The following ZNF257 variants were observed in gnomAD, a reference collection of about 807,000 sequenced individuals.
The protein encoded by ZNF257 is bone marrow zinc finger 4.
ZNF257 carries 12 observed loss-of-function variants against 11.9 expected under a neutral mutation model. The observed-to-expected ratio is 1.01, with a 90% CI of 0.65 to 1.63. The LOEUF is 1.63. ZNF257 is among the 40% of genes most tolerant of loss of function. The pLI is 0.00. For synonymous variants in ZNF257, 183 were observed against 222.7 expected (o/e 0.82, Z 1.59); for missense variants, 580 against 665.5 (o/e 0.87, Z 1.41).
At chr19:22,077,716 A>G (rs761976672) in intron 3 of ZNF257, among the ~76,000 whole-genome samples, 63 of 152,190 alleles carry the variant, frequency 4.1e-4, no homozygotes, top group Non-Finnish European at 7.8e-4. Flanking sequence ...GAATACTAAT[A>G]CAATAAACAT....
chr19:22,080,222 C>T (rs1172604621), intron 3 of ZNF257, among the ~76,000 whole-genome samples: 1 of 152,104 alleles, frequency 6.6e-6, no homozygotes, highest in Non-Finnish European at 1.5e-5. Context: ...CCAAGAGAGC[C>T]TCTCACTTTG....
At chr19:22,054,154 C>G (rs2021562326) in intron 1 of ZNF257, among the ~76,000 whole-genome samples, 1 of 151,272 alleles carries the variant, frequency 6.6e-6, no homozygotes, top group Non-Finnish European at 1.5e-5. Flanking sequence ...CTCATTGCAA[C>G]CTCCGCCTCC....
At chr19:22,077,152 C>A (rs2022245725) in intron 3 of ZNF257, among the ~76,000 whole-genome samples, 1 of 152,010 alleles carries the variant, frequency 6.6e-6, no homozygotes, top group Non-Finnish European at 1.5e-5. Flanking sequence ...CCTCTCTCCA[C>A]ACACAAAAAA....
intron 1 of ZNF257, among the ~76,000 whole-genome samples, chr19:22,071,955 C>T (rs181536474): frequency 2.8e-4 from 43 of 152,224 alleles, no homozygotes; most frequent in African/African-American, 1.0e-3. Flanking sequence ...TGAGGAAATA[C>T]TTGCTCTCTA....
chr19:22,065,839 TGGA>T (rs2021930602), intron 1 of ZNF257: 1 of 152,172 alleles, frequency 6.6e-6, no homozygotes, highest in South Asian at 2.1e-4. Flanking sequence ...AAAGTGCTGG[TGGA>T]AGTTGTCAGA....
chr19:22,088,143 T>C lies in ZNF257; in HGVS notation c.393T>C (p.Asn131=). 6.2e-7 allele frequency: 1 copy of C among 1,609,726 alleles called. No homozygotes were observed. Among genetic ancestry groups the C allele is most frequent in the Non-Finnish European group, 8.5e-7 (1 of 1,177,552 alleles). ...DECKVCKGGY[N]GLNQCLITTQ... Reference sequence around the variant, plus strand: ...GTAAGGTGTGCAAAGGAGGTTATAATGGACTTAACCAATGTCTGATAACTA... The same window carrying C: ...GTAAGGTGTGCAAAGGAGGTTATAACGGACTTAACCAATGTCTGATAACTA... The change falls in exon 4 of 4, where the codon AAT becomes AAC. Residue 131 remains asparagine (N), a synonymous_variant. Transcript: ENST00000594947.
chr19:22,078,075 T>TAA (rs373190118), intron 3 of ZNF257, among the ~76,000 whole-genome samples: 5 of 142,850 alleles, frequency 3.5e-5, no homozygotes, highest in East Asian at 2.0e-4. Flanking sequence ...CCGTCTCTAC[T>TAA]AAAAAAAAAA....
At chr19:22,087,587 CAT>C in intron 3 of ZNF257, 1 of 1,229,754 alleles carries the variant, frequency 8.1e-7, no homozygotes, top group Non-Finnish European at 1.0e-6. Context: ...AAAAGCCAGA[CAT>C]AGAAATGTAT....
chr19:22,060,104 T>A (rs1175910194), intron 1 of ZNF257, among the ~76,000 whole-genome samples: 2 of 152,208 alleles, frequency 1.3e-5, no homozygotes, highest in East Asian at 3.8e-4. Context: ...TTGTGAATAG[T>A]GCTGCAATGA....
intron 1 of ZNF257, among the ~76,000 whole-genome samples, chr19:22,064,996 G>T (rs2021905044): frequency 6.6e-6 from 1 of 151,364 alleles, no homozygotes; most frequent in African/African-American, 2.4e-5. Context: ...AGAGGTTGCG[G>T]TGAGCCCAGA....
In ZNF257 at chr19:22,088,124, T is replaced by C. The variant is rs2022519311; in HGVS notation, c.374T>C (p.Val125Ala). Reference protein sequence around the residue: ...KGCKSVDECKVCKGGYNGLNQ... With the variant: ...KGCKSVDECKACKGGYNGLNQ... ...TGTAAAAGTGTGGATGAGTGTAAGG[T>C]GTGCAAAGGAGGTTATAATGGACTT... Residue 125 changes from valine (V) to alanine (A), a missense_variant, in exon 4 of 4, where the codon GTG becomes GCG. Transcript: ENST00000594947. The C allele has an allele frequency of 6.2e-7, 1 of 1,610,302 alleles. No individual in the cohort carries two copies. The highest frequency in any genetic ancestry group is 1.7e-5 in the Admixed American group (1 of 59,568).
chr19:22,066,668 C>T (rs1177051244), intron 1 of ZNF257, among the ~76,000 whole-genome samples: 1 of 152,136 alleles, frequency 6.6e-6, no homozygotes, highest in East Asian at 1.9e-4. Context: ...AGGCACCAGG[C>T]TTAAGTGGCA....
intron 1 of ZNF257, among the ~76,000 whole-genome samples, chr19:22,062,290 T>C (rs1218076222): frequency 7.1e-6 from 1 of 140,294 alleles, no homozygotes; most frequent in East Asian, 2.2e-4. Context: ...CAGTGGCGAA[T>C]TTTTTTTGTA....
intron 1 of ZNF257, among the ~76,000 whole-genome samples, chr19:22,069,232 G>C (rs2022036566): frequency 6.6e-6 from 1 of 152,130 alleles, no homozygotes; most frequent in Non-Finnish European, 1.5e-5. Context: ...GATAAACGAT[G>C]AATTAAGCAT....
intron 3 of ZNF257, chr19:22,087,648 T>C (rs2022503810): frequency 9.4e-7 from 1 of 1,059,374 alleles, no homozygotes; most frequent in Admixed American, 4.3e-5. Context: ...AGTTGGCAAT[T>C]TACTTCTAAG....
Position 22,052,492 on chromosome 19 carries a change from T to G in ZNF257, c.-141T>G. ...TTCCGGGTTTGGCGGGTACTTTGTC[T>G]CTCGCTCTAGCCCGAGCTGCAGGTC... On this transcript the variant is annotated 5_prime_UTR_variant, in exon 1 of 4. Transcript: ENST00000594947. 1.0e-6 allele frequency: 1 copy of G among 993,756 alleles called. No individual in the cohort carries two copies. The highest frequency in any genetic ancestry group is 1.5e-6 in the Non-Finnish European group (1 of 660,520). The allele number at this position is 993,756 out of a possible 1,614,324, so 61.6% of individuals were successfully genotyped here.
intron 3 of ZNF257, among the ~76,000 whole-genome samples, chr19:22,081,168 T>C (rs2022350565): frequency 6.6e-6 from 1 of 151,920 alleles, no homozygotes; most frequent in African/African-American, 2.4e-5. Context: ...TGAGCCACCA[T>C]GCCCGGTCCT....
intron 3 of ZNF257, among the ~76,000 whole-genome samples, chr19:22,085,963 T>C (rs1287034077): frequency 6.6e-6 from 1 of 152,164 alleles, no homozygotes; most frequent in African/African-American, 2.4e-5. Flanking sequence ...CTGACTGTTA[T>C]AGAAAGGCAA....
At chr19:22,069,274 A>T (rs1438000213) in intron 1 of ZNF257, among the ~76,000 whole-genome samples, 1 of 152,178 alleles carries the variant, frequency 6.6e-6, no homozygotes, top group African/African-American at 2.4e-5. Flanking sequence ...AGATTTGTGC[A>T]AAGAAACTTG....
Sources: allele counts gnomAD v4.1 joint callset (sites outside exome capture counted in the v4.1 genomes callset), GRCh38; gene constraint gnomAD v4.1.1; transcripts MANE v1.5; gene names NCBI Gene and HGNC (gene_info 2026-07-23, HGNC 2026-07-21).